Variants in SORBS2 observed in about 807,000 individuals in gnomAD.
SORBS2 encodes the protein sorbin and SH3 domain containing 2, also known as sorbin and SH3 domain-containing protein 2.
A neutral mutation model predicts 97.7 loss-of-function variants in SORBS2; 46 were observed. The ratio of observed to expected loss-of-function variants is 0.47; its 90% CI spans 0.37 to 0.60. The LOEUF is 0.60. SORBS2 is among the 20% of genes least tolerant of loss of function. The pLI, the probability that SORBS2 is intolerant of heterozygous loss-of-function variation, is 0.00. For synonymous variants in SORBS2, 476 were observed against 473.4 expected, an observed-to-expected ratio of 1.01 and a Z score of -0.07; for missense variants, 1,316 against 1,282.3, an observed-to-expected ratio of 1.03 and a Z score of -0.40.
chr4:185,742,744 T>A (rs1338595232), intron 2 of SORBS2, among the ~76,000 whole-genome samples: 1 of 152,162 alleles, frequency 6.6e-6, no homozygotes, highest in Non-Finnish European at 1.5e-5. Context: ...GGAGAGAAAA[T>A]GTAGGAAAGT....
chr4:185,838,617 A>T (rs2099209625), intron 1 of SORBS2, among the ~76,000 whole-genome samples: 1 of 152,156 alleles, frequency 6.6e-6, no homozygotes, highest in Admixed American at 6.5e-5. Context: ...CAGCTCAGTG[A>T]TGTGTCACCT....
intron 4 of SORBS2, 49 bp from the exon 8 acceptor site, chr4:185,662,291 TA>T: frequency 6.5e-7 from 1 of 1,536,864 alleles, no homozygotes; most frequent in Non-Finnish European, 8.8e-7. Flanking sequence ...TAGTTCCCTG[TA>T]AACATCATTC....
At chr4:185,756,617 A>G (rs544687498) in intron 2 of SORBS2, among the ~76,000 whole-genome samples, 1 of 152,302 alleles carries the variant, frequency 6.6e-6, no homozygotes, top group African/African-American at 2.4e-5. Context: ...ATGTAATATA[A>G]GTAACATCCA....
At chr4:185,739,979 T>C (rs961468913) in intron 2 of SORBS2, 2 of 152,626 alleles carry the variant, frequency 1.3e-5, no homozygotes, top group African/African-American at 4.8e-5. Flanking sequence ...TGTGAAAATA[T>C]CAAGCATCTC....
At chr4:185,908,634 G>A (rs2099253070) in intron 1 of SORBS2, among the ~76,000 whole-genome samples, 1 of 151,928 alleles carries the variant, frequency 6.6e-6, no homozygotes, top group Non-Finnish European at 1.5e-5. Context: ...TTCCTCAGGA[G>A]ACAATCTTCT....
chr4:185,956,174 C>A (rs1323567370), intron 1 of SORBS2: 3 of 152,180 alleles, frequency 2.0e-5, no homozygotes, highest in African/African-American at 7.2e-5. Flanking sequence ...AATATAGAAA[C>A]TCAATGAAAA....
chr4:185,701,255 G>A (rs188516160), intron 2 of SORBS2, among the ~76,000 whole-genome samples: 19 of 152,208 alleles, frequency 1.2e-4, no homozygotes, highest in Admixed American at 6.5e-4. Flanking sequence ...CCAACTACAC[G>A]AACTCTTTCA....
chr4:185,722,947 A>G (rs2098527118), intron 2 of SORBS2, among the ~76,000 whole-genome samples: 1 of 152,182 alleles, frequency 6.6e-6, no homozygotes, highest in African/African-American at 2.4e-5. Flanking sequence ...CTGAGAAATT[A>G]ATAAATCCCA....
intron 9 of SORBS2, 147 bp from the exon 22 acceptor site, chr4:185,615,306 G>T: frequency 1.6e-6 from 1 of 614,548 alleles, no homozygotes; most frequent in East Asian, 2.7e-5. Flanking sequence ...AGATAAGAAT[G>T]ATCCTTGCAA....
intron 1 of SORBS2, among the ~76,000 whole-genome samples, chr4:185,786,980 C>CAAAA (rs57734265): frequency 2.0e-5 from 2 of 100,276 alleles, no homozygotes; most frequent in Admixed American, 2.4e-4. Flanking sequence ...GGCTCTGTCT[C>CAAAA]AAAAAAAAAA....
At chr4:185,710,385 T>G (rs1365339354) in intron 2 of SORBS2, among the ~76,000 whole-genome samples, 3 of 152,206 alleles carry the variant, frequency 2.0e-5, no homozygotes, top group African/African-American at 4.8e-5. Flanking sequence ...GTGTTCAAAC[T>G]TATTCAAAGT....
chr4:185,587,670 T>G (rs752877651), exon 15 of SORBS2: 1 of 1,613,320 alleles, frequency 6.2e-7, no homozygotes, highest in Non-Finnish European at 8.5e-7. Context: ...ACCAAAGAAT[T>G]TGGTTCTTCT....
chr4:185,639,677 A>C (rs931235584), intron 4 of SORBS2, among the ~76,000 whole-genome samples: 5 of 152,204 alleles, frequency 3.3e-5, no homozygotes, highest in African/African-American at 1.2e-4. Flanking sequence ...GGTACAATTG[A>C]AGAGTACAGT....
chr4:185,889,043 C>G (rs1463905448), intron 1 of SORBS2, among the ~76,000 whole-genome samples: 1 of 152,216 alleles, frequency 6.6e-6, no homozygotes, highest in East Asian at 1.9e-4. Flanking sequence ...AGTGAGCTTC[C>G]TAAGCTTCCC....
At chr4:185,798,041 C>T (rs767300107) in intron 1 of SORBS2, among the ~76,000 whole-genome samples, 47 of 152,130 alleles carry the variant, frequency 3.1e-4, no homozygotes, top group Admixed American at 1.3e-4. Flanking sequence ...AGTAGCAAGT[C>T]GACTAGTCAC....
intron 1 of SORBS2, among the ~76,000 whole-genome samples, chr4:185,839,166 G>A (rs1369463404): frequency 6.6e-6 from 1 of 152,188 alleles, no homozygotes; most frequent in East Asian, 1.9e-4. Context: ...TTGTGAAAAA[G>A]AATTTTAAAC....
upstream of SORBS2, among the ~76,000 whole-genome samples, chr4:185,658,692 C>CTTTT (rs35439018): frequency 2.3e-4 from 27 of 115,974 alleles, 1 homozygote; most frequent in South Asian, 1.1e-3. Flanking sequence ...AATAAGTAAG[C>CTTTT]TTTTTTTTTT....
At chr4:185,716,708 C>CG (rs1237555805) in intron 2 of SORBS2, among the ~76,000 whole-genome samples, 1 of 152,078 alleles carries the variant, frequency 6.6e-6, no homozygotes, top group Non-Finnish European at 1.5e-5. Flanking sequence ...TTCATTGCAC[C>CG]TTCCGCTGGT....
intron 12 of SORBS2, among the ~76,000 whole-genome samples, chr4:185,611,306 T>A: frequency 6.6e-6 from 1 of 151,998 alleles, no homozygotes; most frequent in East Asian, 1.9e-4. Flanking sequence ...GAGATATACA[T>A]AGTATTTTGT....
Sources: gnomAD v4.1 joint callset for allele counts (sites outside exome capture counted in the v4.1 genomes callset) on GRCh38, gnomAD v4.1.1 for gene constraint, MANE v1.5 for transcripts, NCBI Gene and HGNC (gene_info 2026-07-23, HGNC 2026-07-21) for gene names.